The following APBA1 variants were observed in gnomAD, a reference collection of about 807,000 sequenced individuals.
APBA1 encodes amyloid beta precursor protein binding family A member 1, also known as amyloid-beta A4 precursor protein-binding family A member 1.
APBA1 carries 55 observed loss-of-function variants against 86.6 expected under a neutral mutation model. That is an observed-to-expected ratio of 0.64 (90% confidence interval 0.51 to 0.80). The LOEUF (loss-of-function observed/expected upper bound fraction) is 0.80. APBA1 is among the 30% of genes least tolerant of loss of function. APBA1 has a pLI of 0.00. For missense variants in APBA1, 1,090 were observed against 1,183.0 expected (o/e 0.92, Z 1.15); for synonymous variants, 511 against 493.9 (o/e 1.03, Z -0.46).
At chr9:69,436,678 G>A (rs1834728403) in intron 11 of APBA1, among the ~76,000 whole-genome samples, 1 of 151,528 alleles carries the variant, frequency 6.6e-6, no homozygotes, top group African/African-American at 2.4e-5. Flanking sequence ...ATTTTGGGCT[G>A]AGACAGTGGG....
chr9:69,436,248 A>C (rs1308367661), intron 11 of APBA1, among the ~76,000 whole-genome samples: 2 of 149,832 alleles, frequency 1.3e-5, no homozygotes, highest in African/African-American at 2.5e-5. Flanking sequence ...CTTAGGATTG[A>C]CTTGGCAATG....
intron 1 of APBA1, among the ~76,000 whole-genome samples, chr9:69,532,100 T>C (rs1377462856): frequency 1.3e-5 from 2 of 152,116 alleles, no homozygotes; most frequent in Non-Finnish European, 2.9e-5. Context: ...GGTTTATCAA[T>C]AGGTTCATCA....
chr9:69,496,273 G>A (rs1425069959), intron 2 of APBA1, among the ~76,000 whole-genome samples: 2 of 152,086 alleles, frequency 1.3e-5, no homozygotes, highest in South Asian at 2.1e-4. Flanking sequence ...CATGAAAAGC[G>A]CTCATCTGAA....
chr9:69,629,703 T>C (rs1823000363), intron 1 of APBA1, among the ~76,000 whole-genome samples: 1 of 152,192 alleles, frequency 6.6e-6, no homozygotes, highest in African/African-American at 2.4e-5. Flanking sequence ...TACATATTCA[T>C]TGAGCACTGC....
At chr9:69,587,294 T>C (rs1208660598) in intron 1 of APBA1, among the ~76,000 whole-genome samples, 3 of 152,232 alleles carry the variant, frequency 2.0e-5, no homozygotes, top group Non-Finnish European at 4.4e-5. Flanking sequence ...CCCCAGAGTC[T>C]AGAAGACTTC....
intron 1 of APBA1, among the ~76,000 whole-genome samples, chr9:69,583,243 G>T (rs1821950770): frequency 6.6e-6 from 1 of 152,170 alleles, no homozygotes; most frequent in Non-Finnish European, 1.5e-5. Context: ...TTCCCACCCA[G>T]TCCACCACCA....
At chr9:69,527,394 C>T (rs552691100) in intron 1 of APBA1, among the ~76,000 whole-genome samples, 20 of 152,144 alleles carry the variant, frequency 1.3e-4, no homozygotes, top group Non-Finnish European at 2.4e-4. Flanking sequence ...ATCAATTAAT[C>T]AAACAACAAA....
chr9:69,440,350 C>T (rs1834794868), intron 11 of APBA1, among the ~76,000 whole-genome samples: 1 of 152,138 alleles, frequency 6.6e-6, no homozygotes, highest in African/African-American at 2.4e-5. Context: ...GTTACTGCTG[C>T]CTTTTGTTTG....
At chr9:69,470,418 A>G (rs575344744) in intron 4 of APBA1, among the ~76,000 whole-genome samples, 41 of 152,296 alleles carry the variant, frequency 2.7e-4, no homozygotes, top group Non-Finnish European at 4.6e-4. Context: ...GCTAATGCTG[A>G]GCCTGAAAAA....
chr9:69,548,378 G>A (rs914813128), intron 1 of APBA1, among the ~76,000 whole-genome samples: 1 of 152,326 alleles, frequency 6.6e-6, no homozygotes, highest in Non-Finnish European at 1.5e-5. Context: ...ACCTGTGTCA[G>A]CTTCCCATCT....
chr9:69,495,206 C>A (rs1229567724), intron 2 of APBA1, among the ~76,000 whole-genome samples: 2 of 152,120 alleles, frequency 1.3e-5, no homozygotes, highest in East Asian at 1.9e-4. Flanking sequence ...CACACTCCCC[C>A]TCTCTATTCT....
At chr9:69,612,109 G>A (rs1436003732) in intron 1 of APBA1, among the ~76,000 whole-genome samples, 1 of 151,900 alleles carries the variant, frequency 6.6e-6, no homozygotes, top group Non-Finnish European at 1.5e-5. Flanking sequence ...TCTTTGATAA[G>A]TAAGACTAAT....
In APBA1 at chr9:69,605,086, T is replaced by C. The variant is rs115672704; in HGVS notation, c.-70+67067A>G. On this transcript the variant is annotated intron_variant, in intron 1 of 12. Coordinates refer to ENST00000265381, the MANE Select transcript of APBA1 (RefSeq NM_001163.4). ...ACTACAAAACATAAAACAGAATGAT[T>C]TGGGGGGTAAAAACAAGAGTTATAA... is the stretch of plus-strand genomic sequence containing the variant. 6.0e-3 allele frequency among the ~76,000 whole-genome samples: 908 copies of C among 152,300 alleles called. 10 individuals carry two copies. Among genetic ancestry groups the C allele is most frequent in the African/African-American group, 0.021 (859 of 41,552 alleles).
At chr9:69,457,243 C>A in intron 6 of APBA1, 104 bp from the exon 7 acceptor site, 2 of 831,116 alleles carry the variant, frequency 2.4e-6, no homozygotes, top group South Asian at 1.4e-5. Context: ...ACACAGTCAC[C>A]AGAACAGCAA....
At chr9:69,623,486 T>C (rs1369774162) in intron 1 of APBA1, among the ~76,000 whole-genome samples, 1 of 152,076 alleles carries the variant, frequency 6.6e-6, no homozygotes, top group Non-Finnish European at 1.5e-5. Context: ...AAGCTTGAAG[T>C]CACAGAGGGA....
In APBA1 at chr9:69,641,458, G is replaced by A. The variant is rs576131120; in HGVS notation, c.-70+30695C>T. Among the ~76,000 whole-genome samples, 163 of 152,224 alleles carry A rather than the reference G, an allele frequency of 1.1e-3. 1 individual carries two copies. The highest frequency in any genetic ancestry group is 3.5e-3 in the African/African-American group (147 of 41,542). On this transcript the variant is annotated intron_variant, in intron 1 of 12. Transcript: ENST00000265381. ...CTGATTCTAAAATCTACAAGAAAAT[G>A]CAAAGTTGGAGGACTCATACTACCT...
intron 10 of APBA1, among the ~76,000 whole-genome samples, chr9:69,441,946 C>G (rs1045072190): frequency 6.6e-6 from 1 of 152,236 alleles, no homozygotes; most frequent in African/African-American, 2.4e-5. Context: ...CTGCTCCTGT[C>G]CCCTGATCAG....
chr9:69,604,087 T>G (rs1337036677), intron 1 of APBA1, among the ~76,000 whole-genome samples: 1 of 152,230 alleles, frequency 6.6e-6, no homozygotes, highest in Non-Finnish European at 1.5e-5. Context: ...TACAAAGCAG[T>G]GTATAGTGAG....
At chr9:69,487,835 T>C (rs1431777724) in intron 2 of APBA1, among the ~76,000 whole-genome samples, 2 of 152,092 alleles carry the variant, frequency 1.3e-5, no homozygotes, top group African/African-American at 4.8e-5. Flanking sequence ...CATTAGTGCC[T>C]ACCTGAACAG....
Sources: allele counts gnomAD v4.1 joint callset (sites outside exome capture counted in the v4.1 genomes callset), GRCh38; gene constraint gnomAD v4.1.1; transcripts MANE v1.5; gene names NCBI Gene and HGNC (gene_info 2026-07-23, HGNC 2026-07-21).